ELAC2: variants seen among roughly 807,000 people sequenced by gnomAD.
ELAC2 encodes zinc phosphodiesterase ELAC protein 2.
A neutral mutation model predicts 105.2 loss-of-function variants in ELAC2; 92 were observed. That is an observed-to-expected ratio of 0.87 (90% CI 0.74 to 1.04). ELAC2 has a LOEUF of 1.04. Ranked by LOEUF, ELAC2 falls within the 50% of genes least tolerant of loss-of-function variation. ELAC2 has a pLI of 0.00. For missense variants in ELAC2, 1,099 were observed against 1,071.7 expected (o/e 1.03, Z -0.36); for synonymous variants, 468 against 409.1 (o/e 1.14, Z -1.74).
chr17:12,998,312 TG>T, intron 16 of ELAC2, 99 bp downstream of exon 16: 1 of 1,150,972 alleles, frequency 8.7e-7, no homozygotes, highest in South Asian at 1.3e-5. Context: ...TGACAGGGCT[TG>T]ATACCGCATT....
At chr17:13,017,551 C>T (rs2041813459) in intron 1 of ELAC2, 152 bp downstream of exon 1, 4 of 1,392,492 alleles carry the variant, frequency 2.9e-6, no homozygotes, top group African/African-American at 1.4e-5. Flanking sequence ...CAAAGAATCT[C>T]GGATTTCCCA....
In ELAC2 at chr17:13,005,912, C is replaced by G. The variant is rs762820869; in HGVS notation, c.797+9G>C. 9.9e-6 allele frequency: 16 copies of G among 1,614,190 alleles called. No homozygotes were observed. The highest frequency in any genetic ancestry group is 7.7e-5 in the South Asian group (7 of 91,088). ...GTGAGTCCCCAGAAGCCTTACCCCC[C>G]ACACTCACACTGGGAGGCCCATCTC... On this transcript the variant is annotated intron_variant, in intron 9 of 23. Transcript: ENST00000338034.
chr17:12,992,834 T>A lies in ELAC2; in HGVS notation c.2465A>T (p.Lys822Met). ...CCCAGATCTTCACTGGGCTCTGACC[T>A]TCTTGGCCTGTGGCTCCTCTGTGTG... Reference protein sequence around the residue: ...RAHTEEPQAKKVRAQ With the variant: ...RAHTEEPQAKMVRAQ The change falls in exon 24 of 24, where the codon AAG (lysine) becomes ATG (methionine). Residue 822 changes from lysine to methionine, a missense_variant. Lys to Met is a moderately conservative substitution (Grantham distance 95). Coordinates refer to ENST00000338034, the MANE Select transcript of ELAC2 (RefSeq NM_018127.7). 1 of 1,611,518 alleles carries A rather than the reference T, an allele frequency of 6.2e-7. No homozygotes were observed. Among genetic ancestry groups the A allele is most frequent in the Non-Finnish European group, 8.5e-7 (1 of 1,178,218 alleles).
In ELAC2 at chr17:12,992,123, T is replaced by TTGATTGA. The variant is rs1555570667; in HGVS notation, c.*694_*695insTCAATCA. On this transcript the variant is annotated 3_prime_UTR_variant, in exon 24 of 24. Transcript: ENST00000338034. ...ACCAGCCCAGCCAGGCTCTCACTGA[T>TTGATTGA]TGATTTGATTGATTGATTGATTGAT... 1.5e-5 allele frequency among the ~76,000 whole-genome samples: 2 copies of TTGATTGA among 137,150 alleles called. No homozygotes were observed. The highest frequency in any genetic ancestry group is 4.1e-4 in the East Asian group (2 of 4,882). The allele number at this position is 137,150 out of a possible 152,430, so 90.0% of individuals were successfully genotyped here.
At chr17:13,015,717 A>T in intron 4 of ELAC2, 51 bp downstream of exon 4, 1 of 1,499,572 alleles carries the variant, frequency 6.7e-7, no homozygotes, top group Non-Finnish European at 9.3e-7. Flanking sequence ...CTTGTTACTG[A>T]TATTACAAAA....
At chr17:13,016,656 T>G (rs2041740216) in intron 3 of ELAC2, among the ~76,000 whole-genome samples, 3 of 149,038 alleles carry the variant, frequency 2.0e-5, no homozygotes, top group Admixed American at 6.8e-5. Flanking sequence ...GGGGCACACG[T>G]GTGGTCCCAG....
chr17:13,002,543 C>A lies in ELAC2; in HGVS notation c.1116G>T (p.Glu372Asp). Reference sequence around the variant, plus strand: ...GAAGGTTGTGAACTGAGGCACAGTTCTCATTCAGGACCAAGTGCTGGGTGT... The same window carrying A: ...GAAGGTTGTGAACTGAGGCACAGTTATCATTCAGGACCAAGTGCTGGGTGT... ...GPDTQHLVLN[E>D]NCASVHNLRS... Residue 372 changes from glutamate to aspartate, a missense_variant, in exon 13 of 24, where the codon GAG becomes GAT. Physicochemically the swap from Glu to Asp is conservative, Grantham distance 45. Coordinates refer to ENST00000338034, the MANE Select transcript of ELAC2 (RefSeq NM_018127.7). The A allele has an allele frequency of 6.2e-7, 1 of 1,605,652 alleles. No homozygotes were observed.
At chr17:13,005,601 TA>T in intron 10 of ELAC2, 151 bp downstream of exon 10, 1 of 793,574 alleles carries the variant, frequency 1.3e-6, no homozygotes, top group Non-Finnish European at 2.2e-6. Flanking sequence ...CAAACACAGA[TA>T]AAAGAGGCCA....
chr17:12,996,674 G>C lies in ELAC2; in HGVS notation c.1532C>G (p.Ser511Cys). Residue 511 changes from serine to cysteine, a missense_variant, in exon 17 of 24, where the codon TCT becomes TGT. Transcript: ENST00000338034. The part of the protein sequence containing the change: ...ATLVNISPDT[S>C]LLLDCGEGTF... Reference sequence around the variant, plus strand: ...GCCCTCACCACAGTCCAGTAGCAGAGACGTGTCGGGGCTGCAGAAGAGAAG... The same window carrying C: ...GCCCTCACCACAGTCCAGTAGCAGACACGTGTCGGGGCTGCAGAAGAGAAG... 1 of 1,613,688 alleles carries C rather than the reference G, an allele frequency of 6.2e-7. No homozygotes were observed. The highest frequency in any genetic ancestry group is 8.5e-7 in the Non-Finnish European group (1 of 1,179,912).
At chr17:13,015,308 C>T (rs1269781374) in intron 4 of ELAC2, among the ~76,000 whole-genome samples, 1 of 152,146 alleles carries the variant, frequency 6.6e-6, no homozygotes, top group Non-Finnish European at 1.5e-5. Flanking sequence ...GTCTTGGTGA[C>T]TTTCTTCTTA....
rs1351095151 is a variant in ELAC2 at position 12,995,883 on chromosome 17, T to C, written c.1698+57A>G. On this transcript the variant is annotated intron_variant, in intron 18 of 23. Transcript: ENST00000338034. ...ATAAAAACTGGAGTGCCAAGAGGCATGGCGGATGATGTGTAAACCGCTGAA... is the reference window on the plus strand; with the variant it reads ...ATAAAAACTGGAGTGCCAAGAGGCACGGCGGATGATGTGTAAACCGCTGAA... 3.8e-6 allele frequency: 6 copies of C among 1,584,194 alleles called. No individual in the cohort carries two copies. The East Asian group carries it at 1.1e-4, about 30-fold the overall frequency.
intron 6 of ELAC2, among the ~76,000 whole-genome samples, chr17:13,012,066 C>T (rs2041445460): frequency 6.6e-6 from 1 of 152,164 alleles, no homozygotes; most frequent in South Asian, 2.1e-4. Flanking sequence ...TATTTATTAT[C>T]ATCACTCCCG....
intron 8 of ELAC2, among the ~76,000 whole-genome samples, chr17:13,008,307 C>G (rs1178353895): frequency 6.6e-6 from 1 of 151,776 alleles, no homozygotes; most frequent in African/African-American, 2.4e-5. Context: ...ATCAAGAGAT[C>G]CAGACCATCC....
At chr17:13,003,661 C>T (rs1479954483) in intron 11 of ELAC2, 87 bp from the exon 12 acceptor site, 28 of 1,188,538 alleles carry the variant, frequency 2.4e-5, no homozygotes, top group East Asian at 9.5e-5. Flanking sequence ...GGGTATCGTG[C>T]GGCCCTCTGC....
In ELAC2 at chr17:13,010,647, C is replaced by T. The variant is rs1213210764; in HGVS notation, c.704G>A (p.Arg235Lys). 6.2e-7 allele frequency: 1 copy of T among 1,614,024 alleles called. No individual in the cohort carries two copies. Among genetic ancestry groups the T allele is most frequent in the Non-Finnish European group, 8.5e-7 (1 of 1,180,042 alleles). Residue 235 changes from arginine to lysine, a missense_variant, in exon 8 of 24, where the codon AGG becomes AAG. By Grantham distance (26) the Arg-to-Lys change is conservative (BLOSUM62 2). Coordinates refer to ENST00000338034, the MANE Select transcript of ELAC2 (RefSeq NM_018127.7). ...PHGVSQRRGVRDSSLVVAFIC... is the reference protein window; with the variant it reads ...PHGVSQRRGVKDSSLVVAFIC... ...GAAAGCTACGACCAGGGAAGAGTCC[C>T]TGACCCCTCTTCTCTGGCTAACACC...
chr17:12,999,451 C>G (rs2040645611), intron 15 of ELAC2, among the ~76,000 whole-genome samples: 1 of 152,226 alleles, frequency 6.6e-6, no homozygotes, highest in South Asian at 2.1e-4. Context: ...AAAGCCTGTG[C>G]CCGGCCCTCA....
At position 13,002,146 on chromosome 17, in the gene ELAC2, G is replaced by C. The variant is rs116327658; in HGVS notation, c.1304+128C>G. ...TCCGTGTTTCTTTTGTGCTCAAAGC[G>C]GAGTTGAATAGTTACAACAGAGACC... On this transcript the variant is annotated intron_variant, in intron 14 of 23. Coordinates refer to ENST00000338034, the MANE Select transcript of ELAC2 (RefSeq NM_018127.7). 4.8e-3 allele frequency: 4,633 copies of C among 970,072 alleles called. 84 individuals carry two copies. Among genetic ancestry groups the C allele is most frequent in the African/African-American group, 0.041 (2,556 of 62,330 alleles). The allele number at this position is 970,072 out of a possible 1,614,324, so 60.1% of individuals were successfully genotyped here.
intron 6 of ELAC2, among the ~76,000 whole-genome samples, chr17:13,012,781 C>T (rs1419261262): frequency 6.6e-6 from 1 of 152,158 alleles, no homozygotes; most frequent in African/African-American, 2.4e-5. Flanking sequence ...GGCCCTGATA[C>T]TTCGGAATTT....
In ELAC2 at chr17:13,005,735, G is replaced by C; in HGVS notation, c.870+18C>G. 3.1e-6 allele frequency: 5 copies of C among 1,592,374 alleles called. No individual in the cohort carries two copies. Among genetic ancestry groups the C allele is most frequent in the Non-Finnish European group, 4.3e-6 (5 of 1,162,796 alleles). ...ACCCTACCTGTAACTGCTGAATCAAGAAAACCAGGCATCTCACCTCTCTTC... is the reference window on the plus strand; with the variant it reads ...ACCCTACCTGTAACTGCTGAATCAACAAAACCAGGCATCTCACCTCTCTTC... On this transcript the variant is annotated intron_variant, in intron 10 of 23. Transcript: ENST00000338034.
Sources: gnomAD v4.1 joint callset for allele counts (sites outside exome capture counted in the v4.1 genomes callset) on GRCh38, gnomAD v4.1.1 for gene constraint, MANE v1.5 for transcripts, NCBI Gene and HGNC (gene_info 2026-07-23, HGNC 2026-07-21) for gene names.